The following PCBD2 variants were observed in gnomAD, a reference collection of about 807,000 sequenced individuals.
The protein encoded by PCBD2 is pterin-4-alpha-carbinolamine dehydratase 2.
In PCBD2, 12 loss-of-function variants were observed where a neutral mutation model predicts 16.4. That is an observed-to-expected ratio of 0.73 (90% confidence interval 0.47 to 1.19). The LOEUF (loss-of-function observed/expected upper bound fraction) is 1.19. Ranked by LOEUF, PCBD2 falls within the 50% of genes most tolerant of loss-of-function variation. PCBD2 has a pLI of 0.00. For synonymous variants in PCBD2, 58 were observed against 61.8 expected (o/e 0.94, Z 0.29); for missense variants, 138 against 156.8 (o/e 0.88, Z 0.64).
chr5:134,913,724 G>T (rs1459722201), intron 2 of PCBD2, among the ~76,000 whole-genome samples: 2 of 152,188 alleles, frequency 1.3e-5, no homozygotes, highest in Non-Finnish European at 2.9e-5. Flanking sequence ...CAGATGTCTA[G>T]ACCGGGGATG....
intron 3 of PCBD2, among the ~76,000 whole-genome samples, chr5:134,960,035 C>T (rs949682206): frequency 6.6e-6 from 1 of 151,604 alleles, no homozygotes; most frequent in East Asian, 1.9e-4. Context: ...GGATCACAGG[C>T]GTGCAGGGTA....
At chr5:134,926,174 C>G in intron 2 of PCBD2, 1 of 317,058 alleles carries the variant, frequency 3.2e-6, no homozygotes, top group Middle Eastern at 8.6e-4. Flanking sequence ...GATCACGTAA[C>G]GAACAGTGCT....
chr5:134,926,190 G>T (rs1237575851), intron 2 of PCBD2: 1 of 318,502 alleles, frequency 3.1e-6, no homozygotes, highest in Non-Finnish European at 5.7e-6. Context: ...GTGCTACAGG[G>T]ATAAATATTA....
intron 2 of PCBD2, among the ~76,000 whole-genome samples, chr5:134,950,836 A>G (rs951096857): frequency 3.3e-5 from 5 of 152,240 alleles, no homozygotes; most frequent in Admixed American, 1.3e-4. Flanking sequence ...TTTGTTGGCC[A>G]TATGTTTGTT....
chr5:134,922,710 T>G (rs1442029822), intron 2 of PCBD2, among the ~76,000 whole-genome samples: 3 of 151,558 alleles, frequency 2.0e-5, no homozygotes, highest in Non-Finnish European at 4.4e-5. Context: ...TCACCCAGGC[T>G]GGAGTGCAGT....
chr5:134,910,564 C>T, intron 2 of PCBD2, 98 bp downstream of exon 2: 1 of 1,382,506 alleles, frequency 7.2e-7, no homozygotes, highest in Non-Finnish European at 9.9e-7. Context: ...CCATGTAGAT[C>T]TAGGATTCAA....
intron 2 of PCBD2, among the ~76,000 whole-genome samples, chr5:134,950,305 A>G (rs1751345089): frequency 6.6e-6 from 1 of 152,232 alleles, no homozygotes; most frequent in African/African-American, 2.4e-5. Context: ...CATAATTAAA[A>G]TAGTCTATAA....
At chr5:134,905,615 C>T (rs927621960) in intron 1 of PCBD2, 1 of 181,358 alleles carries the variant, frequency 5.5e-6, no homozygotes, top group African/African-American at 2.3e-5. Context: ...ATGGCGGCTC[C>T]CTGCTCGCGC....
intron 2 of PCBD2, among the ~76,000 whole-genome samples, chr5:134,940,361 A>G (rs1400884300): frequency 1.3e-5 from 2 of 151,804 alleles, no homozygotes; most frequent in African/African-American, 2.4e-5. Context: ...TGGGTTGTAC[A>G]TTTCTTTTAG....
intron 2 of PCBD2, among the ~76,000 whole-genome samples, chr5:134,936,473 G>A (rs538601344): frequency 6.6e-6 from 1 of 152,344 alleles, no homozygotes; most frequent in East Asian, 1.9e-4. Context: ...GCAGCAGATT[G>A]GTAACTGTTT....
At chr5:134,940,159 G>A (rs1334073293) in intron 2 of PCBD2, among the ~76,000 whole-genome samples, 1 of 152,148 alleles carries the variant, frequency 6.6e-6, no homozygotes, top group Non-Finnish European at 1.5e-5. Context: ...GACTATTTGA[G>A]TAATTTTCCA....
intron 1 of PCBD2, chr5:134,905,462 C>T (rs1478022221): frequency 5.5e-6 from 2 of 364,188 alleles, no homozygotes; most frequent in Non-Finnish European, 9.8e-6. Flanking sequence ...CCGAAGCCTA[C>T]GAACTTGCCA....
intron 1 of PCBD2, among the ~76,000 whole-genome samples, chr5:134,908,232 T>G (rs900648540): frequency 2.4e-5 from 3 of 124,170 alleles, no homozygotes; most frequent in African/African-American, 3.7e-5. Context: ...CTAGTAAATG[T>G]TTTTTTTTTT....
At chr5:134,915,948 C>G (rs1750827262) in intron 2 of PCBD2, among the ~76,000 whole-genome samples, 1 of 152,070 alleles carries the variant, frequency 6.6e-6, no homozygotes, top group African/African-American at 2.4e-5. Context: ...CTAAAGACAC[C>G]CTCTCCCTGA....
At chr5:134,905,508 C>A in intron 1 of PCBD2, 1 of 321,792 alleles carries the variant, frequency 3.1e-6, no homozygotes, top group Middle Eastern at 8.3e-4. Context: ...TGTTCAGCAA[C>A]TACAAAAGGC....
intron 2 of PCBD2, among the ~76,000 whole-genome samples, chr5:134,951,114 T>G (rs555646731): frequency 6.6e-6 from 1 of 152,286 alleles, no homozygotes; most frequent in African/African-American, 2.4e-5. Context: ...TACCAAAGAA[T>G]GTAGGAAGTC....
intron 2 of PCBD2, among the ~76,000 whole-genome samples, chr5:134,930,648 C>T (rs1463501816): frequency 6.6e-6 from 1 of 152,148 alleles, no homozygotes; most frequent in African/African-American, 2.4e-5. Context: ...TTGTCTCCAA[C>T]CATGAGAGAG....
chr5:134,955,577 G>A (rs1204293366), intron 2 of PCBD2, among the ~76,000 whole-genome samples: 1 of 152,142 alleles, frequency 6.6e-6, no homozygotes, highest in Non-Finnish European at 1.5e-5. Context: ...AAAAGTGCTG[G>A]GATAACAGGC....
At chr5:134,906,330 A>G (rs1443794660) in intron 1 of PCBD2, among the ~76,000 whole-genome samples, 1 of 147,684 alleles carries the variant, frequency 6.8e-6, no homozygotes, top group East Asian at 2.0e-4. Flanking sequence ...CAGCCTCCCG[A>G]GTAGCTGGGA....
Sources: gnomAD v4.1 joint callset for allele counts (sites outside exome capture counted in the v4.1 genomes callset) on GRCh38, gnomAD v4.1.1 for gene constraint, MANE v1.5 for transcripts, NCBI Gene and HGNC (gene_info 2026-07-23, HGNC 2026-07-21) for gene names.